Variants in GAL3ST1 observed in about 807,000 individuals in gnomAD.
GAL3ST1 encodes galactosylceramide sulfotransferase.
GAL3ST1 carries 13 observed loss-of-function variants against 25.0 expected under a neutral mutation model. The observed-to-expected ratio is 0.52, with a 90% confidence interval of 0.34 to 0.83. GAL3ST1 has a LOEUF of 0.83. Ranked by LOEUF, GAL3ST1 falls within the 40% of genes least tolerant of loss-of-function variation. The pLI, the probability that GAL3ST1 is intolerant of heterozygous loss-of-function variation, is 0.02. For synonymous variants in GAL3ST1, 274 were observed against 277.8 expected (o/e 0.99, Z 0.14); for missense variants, 474 against 613.6 (o/e 0.77, Z 2.40).
chr22:30,561,326 C>T (rs2086398107), intron 1 of GAL3ST1, among the ~76,000 whole-genome samples: 1 of 152,208 alleles, frequency 6.6e-6, no homozygotes, highest in Non-Finnish European at 1.5e-5. Context: ...GGCTATCCCT[C>T]CTAGTTTTAC....
intron 1 of GAL3ST1, among the ~76,000 whole-genome samples, chr22:30,562,223 TA>T (rs1463877965): frequency 1.3e-5 from 2 of 152,030 alleles, no homozygotes; most frequent in South Asian, 2.1e-4. Context: ...GGCTACTTTT[TA>T]AAAAAAATTT....
At chr22:30,573,598 C>T (rs188544799) in intron 1 of GAL3ST1, among the ~76,000 whole-genome samples, 36 of 152,336 alleles carry the variant, frequency 2.4e-4, no homozygotes, top group South Asian at 1.0e-3. Flanking sequence ...CAGTCCTCTA[C>T]ACCTCTCTCC....
At chr22:30,560,193 G>C (rs1420557337) in intron 1 of GAL3ST1, 3 of 152,146 alleles carry the variant, frequency 2.0e-5, no homozygotes, top group Non-Finnish European at 4.4e-5. Flanking sequence ...TAGTTAATTT[G>C]TTACTTAACA....
At chr22:30,557,032 G>A (rs1201505200) in intron 3 of GAL3ST1, among the ~76,000 whole-genome samples, 1 of 152,230 alleles carries the variant, frequency 6.6e-6, no homozygotes, top group Non-Finnish European at 1.5e-5. Flanking sequence ...GCCGTGCCCA[G>A]CCGAAAGGCT....
chr22:30,571,665 C>T (rs2086789718), intron 1 of GAL3ST1, among the ~76,000 whole-genome samples: 1 of 152,072 alleles, frequency 6.6e-6, no homozygotes, highest in African/African-American at 2.4e-5. Flanking sequence ...AGATTGAGAC[C>T]ATCCTGGCTA....
intron 1 of GAL3ST1, chr22:30,566,028 C>T (rs1243744932): frequency 6.6e-6 from 1 of 152,368 alleles, no homozygotes; most frequent in African/African-American, 2.4e-5. Context: ...TCCCAGGGAA[C>T]AGCAGGCATC....
At chr22:30,561,436 C>T (rs2086404136) in intron 1 of GAL3ST1, among the ~76,000 whole-genome samples, 1 of 152,160 alleles carries the variant, frequency 6.6e-6, no homozygotes, top group Non-Finnish European at 1.5e-5. Context: ...TACCACTCCA[C>T]CCCCCACCCT....
At chr22:30,560,015 G>A (rs189246338) in intron 1 of GAL3ST1, among the ~76,000 whole-genome samples, 13 of 152,268 alleles carry the variant, frequency 8.5e-5, no homozygotes, top group Admixed American at 2.0e-4. Flanking sequence ...CACACACTAT[G>A]CCCTGGAAAA....
At chr22:30,570,905 C>A (rs1312205166) in intron 1 of GAL3ST1, among the ~76,000 whole-genome samples, 1 of 149,258 alleles carries the variant, frequency 6.7e-6, no homozygotes, top group East Asian at 2.0e-4. Flanking sequence ...GGAAAGACAC[C>A]CAGTTATAAA....
chr22:30,568,718 G>C (rs1053342442), intron 1 of GAL3ST1, among the ~76,000 whole-genome samples: 3 of 152,134 alleles, frequency 2.0e-5, no homozygotes, highest in Non-Finnish European at 4.4e-5. Context: ...GTGTTTGCGT[G>C]TAATAGGCTG....
At chr22:30,558,084 G>A (rs79435691) in intron 2 of GAL3ST1, among the ~76,000 whole-genome samples, 195 bp downstream of exon 2, 14,660 of 151,308 alleles carry the variant, frequency 0.097, 933 homozygotes, top group Non-Finnish European at 0.14. Flanking sequence ...CATCGCGCCC[G>A]ACCATGAAAC....
At chr22:30,573,641 G>A (rs1392165668) in intron 1 of GAL3ST1, among the ~76,000 whole-genome samples, 5 of 152,312 alleles carry the variant, frequency 3.3e-5, no homozygotes, top group South Asian at 4.1e-4. Context: ...CTGTCACCGC[G>A]GCAGCCCGGG....
At chr22:30,571,071 T>C (rs958202092) in intron 1 of GAL3ST1, among the ~76,000 whole-genome samples, 1 of 151,974 alleles carries the variant, frequency 6.6e-6, no homozygotes, top group African/African-American at 2.4e-5. Flanking sequence ...ATTTCCACTT[T>C]GAAAATCTGC....
chr22:30,572,000 G>A (rs978380519), intron 1 of GAL3ST1, among the ~76,000 whole-genome samples: 2 of 152,196 alleles, frequency 1.3e-5, no homozygotes, highest in African/African-American at 4.8e-5. Context: ...CCAAAATGAG[G>A]AGCAAGGCCA....
In GAL3ST1 at chr22:30,555,709, G is replaced by A; in HGVS notation, c.516C>T (p.Ser172=). ...VLRDPARLFE[S]SFHYFGPVVP... ...CCACCGGCCCGAAGTAGTGGAAGGA[G>A]GACTCGAACAAGCGGGCGGGGTCGC... The change falls in exon 4 of 4, where the codon TCC becomes TCT. Residue 172 remains serine, a synonymous_variant. Transcript: ENST00000406361. This position sits in a 1 kb window ranked among gnomAD's most constrained non-coding sequence, Gnocchi z 8.6. 2 of 1,613,970 alleles carry A rather than the reference G, an allele frequency of 1.2e-6. No individual in the cohort carries two copies. The highest frequency in any genetic ancestry group is 1.7e-6 in the Non-Finnish European group (2 of 1,180,038).
At chr22:30,570,059 G>T (rs1284302843) in intron 1 of GAL3ST1, among the ~76,000 whole-genome samples, 1 of 152,164 alleles carries the variant, frequency 6.6e-6, no homozygotes, top group Non-Finnish European at 1.5e-5. Flanking sequence ...CTCCAAGCCT[G>T]GGCAACAGTG....
chr22:30,565,569 C>G (rs936866062), intron 1 of GAL3ST1, among the ~76,000 whole-genome samples: 3 of 152,200 alleles, frequency 2.0e-5, no homozygotes, highest in African/African-American at 7.2e-5. Flanking sequence ...ATGAGTCTGG[C>G]AAGATTTCAC....
intron 1 of GAL3ST1, among the ~76,000 whole-genome samples, chr22:30,565,665 C>T (rs1460945034): frequency 6.6e-6 from 1 of 152,330 alleles, no homozygotes; most frequent in Non-Finnish European, 1.5e-5. Flanking sequence ...ACTCGACCAG[C>T]TCTGCAGGAT....
chr22:30,561,605 C>G (rs2086410962), intron 1 of GAL3ST1, among the ~76,000 whole-genome samples: 1 of 152,226 alleles, frequency 6.6e-6, no homozygotes, highest in East Asian at 1.9e-4. Flanking sequence ...CAGCCCCTGC[C>G]TGGTGTGTCC....
Sources: allele counts gnomAD v4.1 joint callset (sites outside exome capture counted in the v4.1 genomes callset), GRCh38; gene constraint gnomAD v4.1.1; non-coding constraint Gnocchi (gnomAD v3.1); transcripts MANE v1.5; gene names NCBI Gene and HGNC (gene_info 2026-07-23, HGNC 2026-07-21).